The following DCAF8L2 variants were observed in gnomAD, a reference collection of about 807,000 sequenced individuals.
The protein encoded by DCAF8L2 is DDB1- and CUL4-associated factor 8-like protein 2.
For synonymous variants in DCAF8L2, 200 were observed against 190.9 expected, an observed-to-expected ratio of 1.05 and a Z score of -0.39; for missense variants, 430 against 490.7, an observed-to-expected ratio of 0.88 and a Z score of 1.17.
the DCAF8L2 span, among the ~76,000 whole-genome samples, chrX:27,567,481 CT>C: frequency 1.1e-5 from 1 of 94,019 alleles, no homozygotes. Context: ...ATATAATGAC[CT>C]TTTTTTCCCT....
intron 2 of DCAF8L2, among the ~76,000 whole-genome samples, chrX:27,655,376 T>C (rs1929313855): frequency 8.9e-6 from 1 of 111,921 alleles, no homozygotes; most frequent in Admixed American, 9.5e-5. Flanking sequence ...GCTGATTGGT[T>C]CCAATTATTT....
the DCAF8L2 span, among the ~76,000 whole-genome samples, chrX:27,515,591 T>C: frequency 4.5e-5 from 5 of 112,009 alleles, no homozygotes; most frequent in African/African-American, 1.3e-4. Flanking sequence ...TTGCAAATGG[T>C]TCTTGTTTAG....
the DCAF8L2 span, among the ~76,000 whole-genome samples, chrX:27,490,112 A>T: frequency 1.8e-5 from 2 of 111,747 alleles, no homozygotes. Flanking sequence ...CCTGGGCTCA[A>T]GCAATCCTCC....
chrX:27,606,103 C>T (rs1230537647), intron 1 of DCAF8L2, among the ~76,000 whole-genome samples: 1 of 102,717 alleles, frequency 9.7e-6, no homozygotes, highest in Non-Finnish European at 2.0e-5. Flanking sequence ...GGAAGAGCCA[C>T]GGAAGTACTG....
the DCAF8L2 span, among the ~76,000 whole-genome samples, chrX:27,554,532 T>C: frequency 8.9e-6 from 1 of 111,814 alleles, no homozygotes; most frequent in Non-Finnish European, 1.9e-5. Context: ...TGCTATACAA[T>C]TCAACAAACC....
At chrX:27,514,187 C>T in the DCAF8L2 span, among the ~76,000 whole-genome samples, 12 of 86,496 alleles carry the variant, frequency 1.4e-4, no homozygotes, top group East Asian at 1.3e-3. Context: ...TGTATGTACC[C>T]GTGCACACAT....
chrX:27,621,554 T>A (rs938288815), intron 1 of DCAF8L2, among the ~76,000 whole-genome samples: 5 of 111,421 alleles, frequency 4.5e-5, no homozygotes, highest in African/African-American at 1.3e-4. Flanking sequence ...TAAAATAGGC[T>A]CAAATCATTA....
chrX:27,610,055 G>A (rs1342119106), intron 1 of DCAF8L2, among the ~76,000 whole-genome samples: 1 of 111,846 alleles, frequency 8.9e-6, no homozygotes. Flanking sequence ...ATATATTAAA[G>A]TGTTTGGGTG....
At chrX:27,562,742 C>T in the DCAF8L2 span, among the ~76,000 whole-genome samples, 347 of 111,924 alleles carry the variant, frequency 3.1e-3, no homozygotes, top group Non-Finnish European at 5.1e-3. Flanking sequence ...GCCACTGACC[C>T]AGCCACCAGA....
At chrX:27,495,454 G>T in the DCAF8L2 span, among the ~76,000 whole-genome samples, 1 of 111,822 alleles carries the variant, frequency 8.9e-6, no homozygotes, top group African/African-American at 3.2e-5. Flanking sequence ...GTGAGGCTGA[G>T]ATTTTAATAG....
chrX:27,520,601 C>T, the DCAF8L2 span, among the ~76,000 whole-genome samples: 1 of 111,658 alleles, frequency 9.0e-6, no homozygotes, highest in African/African-American at 3.2e-5. Context: ...TTTCTTCTGT[C>T]TTCAAATAAA....
At chrX:27,704,207 TAC>T (rs200005442) in intron 3 of DCAF8L2, among the ~76,000 whole-genome samples, 3,691 of 87,137 alleles carry the variant, frequency 0.042, 95 homozygotes, top group Middle Eastern at 0.078. Context: ...TATACACATG[TAC>T]ACACGCGCGC....
At chrX:27,634,952 G>GTA (rs199870878) in intron 2 of DCAF8L2, among the ~76,000 whole-genome samples, 939 of 85,450 alleles carry the variant, frequency 0.011, 8 homozygotes, top group African/African-American at 0.047. Context: ...CACAAACCAT[G>GTA]TATATACACA....
chrX:27,673,935 C>T (rs896396918), intron 2 of DCAF8L2, among the ~76,000 whole-genome samples: 15 of 110,772 alleles, frequency 1.4e-4, no homozygotes, highest in Admixed American at 1.2e-3. Context: ...GCAGCTTGCA[C>T]CTTTTATTTT....
At chrX:27,568,630 T>A in the DCAF8L2 span, among the ~76,000 whole-genome samples, 1 of 109,517 alleles carries the variant, frequency 9.1e-6, no homozygotes, top group Non-Finnish European at 1.9e-5. Flanking sequence ...AAGTACCAGA[T>A]ACATGAACTA....
At chrX:27,648,620 T>G (rs1372102865) in intron 2 of DCAF8L2, among the ~76,000 whole-genome samples, 1 of 109,953 alleles carries the variant, frequency 9.1e-6, no homozygotes, top group Non-Finnish European at 1.9e-5. Flanking sequence ...GCAAACATTT[T>G]AAAAGAGGAA....
At chrX:27,533,184 A>C in the DCAF8L2 span, among the ~76,000 whole-genome samples, 5 of 19,922 alleles carry the variant, frequency 2.5e-4, no homozygotes, top group Non-Finnish European at 5.5e-4. Context: ...GAAAGAAAGA[A>C]AGAAAGAAAG....
At chrX:27,733,624 T>G (rs943511166) in intron 4 of DCAF8L2, among the ~76,000 whole-genome samples, 2 of 111,947 alleles carry the variant, frequency 1.8e-5, no homozygotes, top group African/African-American at 6.5e-5. Context: ...TCAAGGAGTT[T>G]TCCCCCATGT....
At position 27,748,689 on chromosome X, in the gene DCAF8L2, T is replaced by C. The variant is rs1208653316; in HGVS notation, c.1794T>C (p.Ser598=). ...TQRGRHQDWR[S]GEAEFPDEES... is the part of the protein sequence containing the mutation. ...GAGGTCGTCACCAGGACTGGAGAAG[T>C]GGTGAAGCTGAATTTCCAGATGAAG... Residue 598 remains serine, a synonymous_variant, in exon 5 of 5, where the codon AGT becomes AGC. Coordinates refer to ENST00000451261, the MANE Select transcript of DCAF8L2 (RefSeq NM_001353450.2). The C allele has an allele frequency of 8.4e-7, 1 of 1,194,325 alleles. No individual in the cohort carries two copies. Among genetic ancestry groups the C allele is most frequent in the South Asian group, 1.8e-5 (1 of 54,903 alleles).
Sources: allele counts gnomAD v4.1 joint callset (sites outside exome capture counted in the v4.1 genomes callset), GRCh38; gene constraint gnomAD v4.1.1; transcripts MANE v1.5; gene names NCBI Gene and HGNC (gene_info 2026-07-23, HGNC 2026-07-21).